The following SEZ6L variants were observed in gnomAD, a reference collection of about 807,000 sequenced individuals.
SEZ6L encodes the protein seizure related 6 homolog like.
In SEZ6L, 37 loss-of-function variants were observed where a neutral mutation model predicts 106.2. That is an observed-to-expected ratio of 0.35 (90% confidence interval 0.27 to 0.46). The LOEUF is 0.46. SEZ6L is among the 20% of genes least tolerant of loss of function. SEZ6L has a pLI of 1.00. For missense variants in SEZ6L, 1,172 were observed against 1,332.8 expected (o/e 0.88, Z 1.88); for synonymous variants, 541 against 570.4 (o/e 0.95, Z 0.73).
At chr22:26,368,449 A>C (rs550690488) in intron 13 of SEZ6L, among the ~76,000 whole-genome samples, 1 of 152,196 alleles carries the variant, frequency 6.6e-6, no homozygotes, top group Non-Finnish European at 1.5e-5. Flanking sequence ...ACATACCACA[A>C]CATGGATGAA....
Position 26,304,363 on chromosome 22 carries a change from AAGAAAGAAG to A in SEZ6L, c.1349-1614_1349-1606del, listed in dbSNP as rs1420786198. On this transcript the variant is annotated intron_variant, in intron 5 of 16. Coordinates refer to ENST00000248933, the MANE Select transcript of SEZ6L (RefSeq NM_021115.5). ...CAAGAGTTTGTCTCAAAAAAAAAAA[AAGAAAGAAG>A]AAAGAAAGAAAGAAAGAAAGAAAGA... 1.4e-4 allele frequency among the ~76,000 whole-genome samples: 13 copies of A among 91,018 alleles called. 1 individual carries two copies. The highest frequency in any genetic ancestry group is 6.6e-4 in the African/African-American group (13 of 19,796). The allele number at this position is 91,018 out of a possible 152,430, so 59.7% of individuals were successfully genotyped here. A position where few individuals can be genotyped will look rare whatever the true frequency, so the allele number is the denominator to read the frequency against.
At chr22:26,366,222 T>C (rs1327584929) in intron 13 of SEZ6L, among the ~76,000 whole-genome samples, 1 of 152,024 alleles carries the variant, frequency 6.6e-6, no homozygotes, top group East Asian at 1.9e-4. Context: ...AAGTCCCAGC[T>C]ACTCGGGAGG....
chr22:26,277,505 A>G (rs913718700), intron 1 of SEZ6L, among the ~76,000 whole-genome samples: 1 of 152,196 alleles, frequency 6.6e-6, no homozygotes, highest in African/African-American at 2.4e-5. Flanking sequence ...TGACCTCCTA[A>G]TGCTAAAGCA....
At chr22:26,225,478 A>G (rs2078608889) in intron 1 of SEZ6L, among the ~76,000 whole-genome samples, 1 of 152,170 alleles carries the variant, frequency 6.6e-6, no homozygotes, top group South Asian at 2.1e-4. Flanking sequence ...GGACAAGCTG[A>G]ACACATAGAA....
intron 1 of SEZ6L, among the ~76,000 whole-genome samples, chr22:26,232,073 T>C (rs554727521): frequency 6.6e-6 from 1 of 152,234 alleles, no homozygotes; most frequent in South Asian, 2.1e-4. Flanking sequence ...TTAGATTCTC[T>C]AAGGCTCAGT....
chr22:26,373,656 T>C (rs1306851936), intron 14 of SEZ6L, among the ~76,000 whole-genome samples, 173 bp downstream of exon 14: 2 of 152,164 alleles, frequency 1.3e-5, no homozygotes, highest in Non-Finnish European at 2.9e-5. Flanking sequence ...ATTATGGGAT[T>C]TGCAAGTCAG....
At position 26,382,176 on chromosome 22, in the gene SEZ6L, A is replaced by T. The variant is rs370264622; in HGVS notation, c.*1881A>T. The T allele has an allele frequency of 3.5e-5, 14 of 396,868 alleles. No homozygotes were observed. Among genetic ancestry groups the T allele is most frequent in the African/African-American group, 1.9e-4 (9 of 48,448 alleles). The allele number at this position is 396,868 out of a possible 1,614,324, so 24.6% of individuals were successfully genotyped here. A position where few individuals can be genotyped will look rare whatever the true frequency, so the allele number is the denominator to read the frequency against. ...GCTGCTTTCCAGGACCCAAAGCCCCATTTAATGCAAGAACCAGAGAAGTGT... is the reference window on the plus strand; with the variant it reads ...GCTGCTTTCCAGGACCCAAAGCCCCTTTTAATGCAAGAACCAGAGAAGTGT... On this transcript the variant is annotated 3_prime_UTR_variant, in exon 17 of 17. Transcript: ENST00000248933.
intron 12 of SEZ6L, among the ~76,000 whole-genome samples, 155 bp from the exon 13 acceptor site, chr22:26,365,217 A>G (rs4822713): frequency 0.72 from 109,584 of 152,120 alleles, 40,089 homozygotes; most frequent in East Asian, 0.96. Context: ...AGACAGAAAG[A>G]ACAGTTTGAG....
intron 1 of SEZ6L, among the ~76,000 whole-genome samples, chr22:26,280,156 T>C (rs1482620543): frequency 6.6e-6 from 1 of 152,238 alleles, no homozygotes; most frequent in Non-Finnish European, 1.5e-5. Flanking sequence ...TTGTTCTTGC[T>C]TCACACTGAG....
chr22:26,194,042 A>T (rs969992055), intron 1 of SEZ6L, among the ~76,000 whole-genome samples: 9 of 152,184 alleles, frequency 5.9e-5, no homozygotes, highest in African/African-American at 2.2e-4. Flanking sequence ...GAGTCAAGGG[A>T]GGCTTCCTGG....
chr22:26,345,581 TC>T (rs969486241), intron 10 of SEZ6L, among the ~76,000 whole-genome samples: 5 of 151,972 alleles, frequency 3.3e-5, no homozygotes, highest in Non-Finnish European at 5.9e-5. Flanking sequence ...GAGGCTCCTG[TC>T]CCCCCACCAA....
intron 1 of SEZ6L, among the ~76,000 whole-genome samples, chr22:26,251,901 C>T (rs2079605264): frequency 1.3e-5 from 2 of 152,210 alleles, no homozygotes; most frequent in Admixed American, 1.3e-4. Flanking sequence ...TGCCCACTCC[C>T]TGCTCCTCCC....
rs1380025961 is a variant in SEZ6L at position 26,382,591 on chromosome 22, C to A, written c.*2296C>A. On this transcript the variant is annotated 3_prime_UTR_variant, in exon 17 of 17. Coordinates refer to ENST00000248933, the MANE Select transcript of SEZ6L (RefSeq NM_021115.5). ...GTGTCTCAGTTCTGTCTTAGTAGTA[C>A]CACACCCGTAACCGTGTTTTAAAAG... The A allele has an allele frequency of 6.6e-6, 1 of 152,214 alleles. No homozygotes were observed. Among genetic ancestry groups the A allele is most frequent in the Non-Finnish European group, 1.5e-5 (1 of 68,224 alleles). The allele number at this position is 152,214 out of a possible 1,614,324, so 9.4% of individuals were successfully genotyped here.
At chr22:26,236,198 A>G (rs893532233) in intron 1 of SEZ6L, among the ~76,000 whole-genome samples, 7 of 152,232 alleles carry the variant, frequency 4.6e-5, no homozygotes, top group African/African-American at 1.4e-4. Context: ...CACTGAGCCC[A>G]AATTGCCTTT....
intron 10 of SEZ6L, among the ~76,000 whole-genome samples, chr22:26,344,052 C>T (rs966157520): frequency 2.0e-5 from 3 of 152,192 alleles, no homozygotes; most frequent in South Asian, 2.1e-4. Context: ...ACAGATGTAA[C>T]TCCCATTCAA....
intron 1 of SEZ6L, among the ~76,000 whole-genome samples, chr22:26,258,561 A>C (rs1316241565): frequency 4.6e-5 from 7 of 152,258 alleles, no homozygotes; most frequent in Non-Finnish European, 8.8e-5. Flanking sequence ...GAATTATCTC[A>C]TTCACCTACT....
rs761270884 is a variant in SEZ6L at position 26,306,018 on chromosome 22, G to A, written c.1388G>A (p.Arg463His). The change falls in exon 6 of 17, where the codon CGC becomes CAC. Residue 463 changes from arginine to histidine, a missense_variant. By Grantham distance (29) the Arg-to-His change is conservative. Around this residue, in one of 4 missense-constraint regions of SEZ6L, gnomAD observed 534 missense variants for 691.0 expected, o/e 0.77. Coordinates refer to ENST00000248933, the MANE Select transcript of SEZ6L (RefSeq NM_021115.5). The stretch of plus-strand genomic sequence containing the variant: ...GCAGTGCACAATGCCACCATCGGCC[G>A]CGTCCTCTCCCCAAGTTACCCTGAA... ...GGAVHNATIG[R>H]VLSPSYPENT... is the part of the protein sequence containing the mutation. The A allele has an allele frequency of 3.6e-5, 56 of 1,534,274 alleles. No homozygotes were observed. The highest frequency in any genetic ancestry group is 1.9e-4 in the East Asian group (7 of 36,096).
intron 16 of SEZ6L, 32 bp from the exon 17 acceptor site, chr22:26,380,234 G>C: frequency 6.2e-7 from 1 of 1,611,670 alleles, no homozygotes; most frequent in Non-Finnish European, 8.5e-7. Context: ...CCACACAAGC[G>C]TTTGACAAAT....
chr22:26,329,155 G>A (rs636781), intron 9 of SEZ6L, among the ~76,000 whole-genome samples: 59,957 of 151,588 alleles, frequency 0.4, 12,509 homozygotes, highest in African/African-American at 0.48. Flanking sequence ...GAAAGGAAGA[G>A]AGAAGGAACA....
Sources: allele counts gnomAD v4.1 joint callset (sites outside exome capture counted in the v4.1 genomes callset), GRCh38; gene constraint gnomAD v4.1.1; regional missense constraint gnomAD v4.1.1; transcripts MANE v1.5; gene names NCBI Gene and HGNC (gene_info 2026-07-23, HGNC 2026-07-21).